PDZRN3: variants seen among roughly 807,000 people sequenced by gnomAD.
PDZRN3 encodes the protein PDZ domain containing ring finger 3.
A neutral mutation model predicts 85.7 loss-of-function variants in PDZRN3; 38 were observed. That is an observed-to-expected ratio of 0.44 (90% CI 0.34 to 0.58). The LOEUF is 0.58. Ranked by LOEUF, PDZRN3 falls within the 20% of genes least tolerant of loss-of-function variation. The probability of loss-of-function intolerance (pLI) is 0.01; values close to 1 mark genes in which losing one functional copy is unlikely to be tolerated. For missense variants in PDZRN3, 1,629 were observed against 1,506.4 expected, an observed-to-expected ratio of 1.08 and a Z score of -1.35; for synonymous variants, 759 against 638.0, an observed-to-expected ratio of 1.19 and a Z score of -2.86.
At chr3:73,575,583 C>T (rs1436406683) in intron 3 of PDZRN3, among the ~76,000 whole-genome samples, 2 of 152,114 alleles carry the variant, frequency 1.3e-5, no homozygotes, top group African/African-American at 2.4e-5. Flanking sequence ...GTGAGGTGTG[C>T]TTAAAAAATG....
chr3:73,546,195 T>C (rs942001484), intron 3 of PDZRN3, among the ~76,000 whole-genome samples: 2 of 152,194 alleles, frequency 1.3e-5, no homozygotes, highest in Non-Finnish European at 2.9e-5. Context: ...GGAGGAAGTT[T>C]AGCTTCTGTT....
chr3:73,392,583 T>C (rs751150189), intron 5 of PDZRN3, among the ~76,000 whole-genome samples: 13 of 152,318 alleles, frequency 8.5e-5, no homozygotes, highest in South Asian at 4.1e-4. Flanking sequence ...TCTTAGCACA[T>C]TGACTGCCCC....
rs1429350202 is a variant in PDZRN3, at chr3:73,624,351, C to T, written c.475G>A (p.Gly159Ser). ...CGCAGCGCTCGCGCGCAGCAGTGGC[C>T]GCCCGCGCGCTGCTCGCCGTGCGTC... ...PLTHGEQRAG[G>S]HCCARALRAH... is the part of the protein sequence containing the mutation. Residue 159 changes from glycine (G) to serine (S), a missense_variant, in exon 1 of 10, where the codon GGC becomes AGC. By Grantham distance (56) the Gly-to-Ser change is moderately conservative. Coordinates refer to ENST00000263666, the MANE Select transcript of PDZRN3 (RefSeq NM_015009.3). The T allele has an allele frequency of 3.9e-6, 5 of 1,298,312 alleles. No homozygotes were observed. Among genetic ancestry groups the T allele is most frequent in the African/African-American group, 3.1e-5 (2 of 64,112 alleles). 80.4% of individuals were successfully genotyped at this position (1,298,312 alleles called of 1,614,324 possible).
chr3:73,619,149 T>A (rs1702812925), intron 1 of PDZRN3, among the ~76,000 whole-genome samples: 1 of 152,202 alleles, frequency 6.6e-6, no homozygotes. Flanking sequence ...TTTTGTTAAC[T>A]GGGTCATCAC....
At chr3:73,442,493 AG>A (rs1323889110) in intron 3 of PDZRN3, among the ~76,000 whole-genome samples, 1 of 152,202 alleles carries the variant, frequency 6.6e-6, no homozygotes. Context: ...TTGTGGATTC[AG>A]AAAAATGACT....
chr3:73,479,738 CTG>C (rs1390575873), intron 3 of PDZRN3, among the ~76,000 whole-genome samples: 6 of 152,234 alleles, frequency 3.9e-5, no homozygotes, highest in Non-Finnish European at 7.3e-5. Flanking sequence ...CAGCCCAGGC[CTG>C]TGCTCCCAAT....
At position 73,474,335 on chromosome 3, in the gene PDZRN3, T is replaced by G; in HGVS notation, c.919-69940A>C. 3 of 454,506 alleles carry G rather than the reference T, an allele frequency of 6.6e-6. 1 individual carries two copies. Among genetic ancestry groups the G allele is most frequent in the Non-Finnish European group, 1.1e-5 (3 of 282,714 alleles). 28.2% of individuals were successfully genotyped at this position (454,506 alleles called of 1,614,324 possible). ...TCCTTGCTTTGATCAGCTTAGGAAG[T>G]TTACTTTACCTATGCAGTATTTCTA... On this transcript the variant is annotated intron_variant, in intron 3 of 9. Transcript: ENST00000263666.
chr3:73,428,340 T>C (rs947111085), intron 3 of PDZRN3, among the ~76,000 whole-genome samples: 1 of 152,202 alleles, frequency 6.6e-6, no homozygotes, highest in Non-Finnish European at 1.5e-5. Context: ...GTCCAAACCA[T>C]GGTCATTTCA....
intron 3 of PDZRN3, among the ~76,000 whole-genome samples, chr3:73,492,888 C>T (rs550938359): frequency 2.5e-4 from 37 of 149,690 alleles, no homozygotes; most frequent in African/African-American, 8.8e-4. Context: ...ATATGTACCA[C>T]ATAAATATGT....
chr3:73,383,163 C>T lies in PDZRN3; in HGVS notation c.*202G>A. ...AAAAAGCTCTGTTTGTTAATATTGC[C>T]TTCCAAGATAGTAAGGGTGTTTTTC... On this transcript the variant is annotated 3_prime_UTR_variant, in exon 10 of 10. Transcript: ENST00000263666. 2.0e-6 allele frequency: 1 copy of T among 502,732 alleles called. No homozygotes were observed. Among genetic ancestry groups the T allele is most frequent in the East Asian group, 3.1e-5 (1 of 32,330 alleles). The allele number at this position is 502,732 out of a possible 1,614,324, so 31.1% of individuals were successfully genotyped here.
At chr3:73,440,341 T>C (rs998115379) in intron 3 of PDZRN3, among the ~76,000 whole-genome samples, 3 of 152,172 alleles carry the variant, frequency 2.0e-5, no homozygotes, top group Admixed American at 1.3e-4. Flanking sequence ...CCAGTGAGCA[T>C]CAGTCTCTGA....
chr3:73,561,270 T>C (rs889587833), intron 3 of PDZRN3, among the ~76,000 whole-genome samples: 1 of 152,230 alleles, frequency 6.6e-6, no homozygotes, highest in African/African-American at 2.4e-5. Flanking sequence ...TGGCAAACAT[T>C]CTGAAAGCTG....
chr3:73,539,269 A>G (rs997189221), intron 3 of PDZRN3, among the ~76,000 whole-genome samples: 30 of 152,204 alleles, frequency 2.0e-4, no homozygotes, highest in African/African-American at 6.8e-4. Flanking sequence ...TGTTGAAGGA[A>G]GATAGGTCAC....
intron 1 of PDZRN3, among the ~76,000 whole-genome samples, chr3:73,612,854 CTGAG>C (rs1702704535): frequency 1.3e-5 from 2 of 152,192 alleles, no homozygotes; most frequent in Non-Finnish European, 2.9e-5. Flanking sequence ...GGATGCATGA[CTGAG>C]ATAGACAGAT....
chr3:73,622,346 G>A (rs1043593040), intron 1 of PDZRN3, among the ~76,000 whole-genome samples: 2 of 152,204 alleles, frequency 1.3e-5, no homozygotes, highest in Non-Finnish European at 2.9e-5. Flanking sequence ...GCTGGGAGAG[G>A]GCAGAGAGAG....
At position 73,624,733 on chromosome 3, in the gene PDZRN3, C is replaced by A. The variant is rs760292974; in HGVS notation, c.93G>T (p.Thr31=). 1.3e-6 allele frequency: 2 copies of A among 1,529,164 alleles called. No individual in the cohort carries two copies. The highest frequency in any genetic ancestry group is 2.8e-5 in the African/African-American group (2 of 70,212). 94.7% of individuals were successfully genotyped at this position (1,529,164 alleles called of 1,614,324 possible). A position where few individuals can be genotyped will look rare whatever the true frequency, so the allele number is the denominator to read the frequency against. The stretch of plus-strand genomic sequence containing the variant: ...CGGCGCAGAAGACGTGGCCGCACGG[C>A]GTGGTCAGCGGGTCCTCCAGGACCT... The part of the protein sequence containing the change: ...CHKVLEDPLT[T]PCGHVFCAGC... Residue 31 remains threonine (T), a synonymous_variant, in exon 1 of 10, where the codon ACG becomes ACT. Coordinates refer to ENST00000263666, the MANE Select transcript of PDZRN3 (RefSeq NM_015009.3).
chr3:73,506,373 T>C (rs1384867412), intron 3 of PDZRN3, among the ~76,000 whole-genome samples: 1 of 152,144 alleles, frequency 6.6e-6, no homozygotes, highest in African/African-American at 2.4e-5. Context: ...GATGAAAAGG[T>C]TGACATCTTT....
At chr3:73,524,616 A>G (rs923181535) in intron 3 of PDZRN3, among the ~76,000 whole-genome samples, 3 of 152,170 alleles carry the variant, frequency 2.0e-5, no homozygotes, top group African/African-American at 7.2e-5. Flanking sequence ...TTGATGTGAG[A>G]TCAACAATTT....
chr3:73,532,811 G>C lies in PDZRN3; in HGVS notation c.918+69543C>G, dbSNP rs111249824. Among the ~76,000 whole-genome samples, 671 of 152,324 alleles carry C rather than the reference G, an allele frequency of 4.4e-3. 8 individuals are homozygous for C. Among genetic ancestry groups the C allele is most frequent in the African/African-American group, 0.015 (634 of 41,572 alleles). The stretch of plus-strand genomic sequence containing the variant: ...GCTGGGGGCACATATTGCCATGGCT[G>C]TTGTTTAGAGGGTCAATGGTCTATT... On this transcript the variant is annotated intron_variant, in intron 3 of 9. Coordinates refer to ENST00000263666, the MANE Select transcript of PDZRN3 (RefSeq NM_015009.3).
Sources: gnomAD v4.1 joint callset for allele counts (sites outside exome capture counted in the v4.1 genomes callset) on GRCh38, gnomAD v4.1.1 for gene constraint, MANE v1.5 for transcripts, NCBI Gene and HGNC (gene_info 2026-07-23, HGNC 2026-07-21) for gene names.